RNF212B: variants seen among roughly 807,000 people sequenced by gnomAD.
The protein encoded by RNF212B is E3 ubiquitin-protein ligase RNF212B.
RNF212B carries 52 observed loss-of-function variants against 55.5 expected under a neutral mutation model. The observed-to-expected ratio is 0.94, with a 90% CI of 0.75 to 1.18. The LOEUF (loss-of-function observed/expected upper bound fraction) is 1.18. RNF212B is among the 50% of genes most tolerant of loss of function. RNF212B has a pLI of 0.00. For synonymous variants in RNF212B, 99 were observed against 121.4 expected (o/e 0.82, Z 1.21); for missense variants, 289 against 350.4 (o/e 0.82, Z 1.40).
chr14:23,238,516 C>T (rs891295029), intron 1 of RNF212B, among the ~76,000 whole-genome samples: 138 of 151,866 alleles, frequency 9.1e-4, no homozygotes, highest in Non-Finnish European at 3.4e-4. Context: ...TCGTTTGAGT[C>T]CAGGAGTTCC....
At position 23,213,261 on chromosome 14, in the gene RNF212B, C is replaced by T. The variant is rs574146224; in HGVS notation, c.-2+19860C>T. Among the ~76,000 whole-genome samples the T allele has an allele frequency of 2.7e-3, 407 of 151,356 alleles. 4 individuals carry two copies. Among genetic ancestry groups the T allele is most frequent in the Admixed American group, 3.1e-3 (47 of 15,132 alleles). ...CCGTGAGGCGGAGCTTGCAGTGAGC[C>T]GAGATCGCACCACTGCACTCCAGCC... On this transcript the variant is annotated intron_variant, in intron 2 of 15. Coordinates refer to the RNF212B transcript ENST00000399910.
chr14:23,203,065 T>G (rs542471573), intron 2 of RNF212B, among the ~76,000 whole-genome samples: 3 of 152,260 alleles, frequency 2.0e-5, no homozygotes, highest in African/African-American at 7.2e-5. Context: ...TGTGAGATTT[T>G]GGTGTACCCA....
chr14:23,211,203 G>A (rs899890656), intron 2 of RNF212B, among the ~76,000 whole-genome samples: 1 of 141,440 alleles, frequency 7.1e-6, no homozygotes, highest in Non-Finnish European at 1.5e-5. Flanking sequence ...GGGCAACAGA[G>A]TGAGACTCTG....
At position 23,258,562 on chromosome 14, in the gene RNF212B, A is replaced by G. The variant is rs1885032903; in HGVS notation, c.242A>G (p.Gln81Arg). ...FSHISQVWSF[Q>R]KKQTDLLIAF... ...TTTCCCTAGTAGGTGTGGAGTTTCC[A>G]GAAGAAACAAACAGATCTCCTCATC... Residue 81 changes from glutamine (Q) to arginine (R), a missense_variant, in exon 5 of 15, where the codon CAG becomes CGG. Transcript: ENST00000430154. 1 of 1,530,746 alleles carries G rather than the reference A, an allele frequency of 6.5e-7. No homozygotes were observed. The allele number at this position is 1,530,746 out of a possible 1,614,324, so 94.8% of individuals were successfully genotyped here.
intron 11 of RNF212B, 34 bp from the exon 12 acceptor site, chr14:23,268,890 G>T: frequency 6.5e-7 from 1 of 1,537,094 alleles, no homozygotes; most frequent in African/African-American, 1.4e-5. Flanking sequence ...CCAGTTCATG[G>T]ATTATCTCAC....
intron 4 of RNF212B, among the ~76,000 whole-genome samples, chr14:23,250,299 T>TA (rs979830888): frequency 1.3e-5 from 2 of 151,940 alleles, no homozygotes; most frequent in African/African-American, 4.8e-5. Context: ...GCCAATATGG[T>TA]AAAACCCTGT....
Position 23,268,292 on chromosome 14 carries a change from C to T in RNF212B, c.635-632C>T, listed in dbSNP as rs986385369. Among the ~76,000 whole-genome samples, 3 of 152,184 alleles carry T rather than the reference C, an allele frequency of 2.0e-5. No homozygotes were observed. The East Asian group carries it at 5.8e-4, about 29-fold the overall frequency. On this transcript the variant is annotated intron_variant, in intron 11 of 14. Coordinates refer to ENST00000430154, the MANE Select transcript of RNF212B (RefSeq NM_001282322.3). ...AACCCTGTTCCATCCCCTCTAGTGACTGCCAGACTGTTGGGTTTCATCATG... is the reference window on the plus strand; with the variant it reads ...AACCCTGTTCCATCCCCTCTAGTGATTGCCAGACTGTTGGGTTTCATCATG...
chr14:23,229,218 TTTTA>T (rs1446535964), intron 2 of RNF212B, among the ~76,000 whole-genome samples: 1 of 50,730 alleles, frequency 2.0e-5, no homozygotes, highest in African/African-American at 6.2e-5. Context: ...CTGAATAATA[TTTTA>T]TATATATATA....
At chr14:23,186,013 T>C (rs1877555240) in intron 1 of RNF212B, among the ~76,000 whole-genome samples, 1 of 152,014 alleles carries the variant, frequency 6.6e-6, no homozygotes, top group African/African-American at 2.4e-5. Flanking sequence ...GGTGGGAGGA[T>C]CGTGTGAGCC....
chr14:23,248,506 A>C (rs1289401853), intron 4 of RNF212B, among the ~76,000 whole-genome samples: 1 of 136,274 alleles, frequency 7.3e-6, no homozygotes, highest in South Asian at 2.4e-4. Context: ...CAGTGGCACG[A>C]TCTCGGCTCA....
chr14:23,234,327 G>GT (rs66588201), upstream of RNF212B, among the ~76,000 whole-genome samples: 7 of 151,252 alleles, frequency 4.6e-5, no homozygotes, highest in East Asian at 1.9e-4. Context: ...CATGCAAAAA[G>GT]TTTTTTTTAA....
chr14:23,226,350 G>A (rs1003305460), intron 2 of RNF212B, among the ~76,000 whole-genome samples: 2 of 150,816 alleles, frequency 1.3e-5, no homozygotes, highest in Non-Finnish European at 3.0e-5. Context: ...GGAACACGGG[G>A]CCGGGCGCGG....
chr14:23,200,084 T>TTC (rs560709055), intron 2 of RNF212B, among the ~76,000 whole-genome samples: 284 of 152,004 alleles, frequency 1.9e-3, no homozygotes, highest in African/African-American at 6.4e-3. Context: ...AAACATTTTT[T>TTC]TCTCTCTCTC....
At chr14:23,242,081 C>CAAAAAAAAAAAAAAAAAAAAAA in intron 2 of RNF212B, among the ~76,000 whole-genome samples, 1 of 36,650 alleles carries the variant, frequency 2.7e-5, no homozygotes, top group Admixed American at 4.3e-4. Context: ...GACTCCGTCT[C>CAAAAAAAAAAAAAAAAAAAAAA]AAAAAAAAAA....
At chr14:23,225,203 G>T (rs1881902852) in intron 2 of RNF212B, among the ~76,000 whole-genome samples, 1 of 152,140 alleles carries the variant, frequency 6.6e-6, no homozygotes, top group African/African-American at 2.4e-5. Context: ...GTACACTGTT[G>T]GTGGGAATGT....
chr14:23,240,446 G>T lies in RNF212B; in HGVS notation c.100+1G>T. 6.5e-7 allele frequency: 1 copy of T among 1,534,982 alleles called. No individual in the cohort carries two copies. Among genetic ancestry groups the T allele is most frequent in the Non-Finnish European group, 8.8e-7 (1 of 1,133,072 alleles). On this transcript the variant is annotated splice_donor_variant, in intron 2 of 14. Coordinates refer to ENST00000430154, the MANE Select transcript of RNF212B (RefSeq NM_001282322.3). LOFTEE classifies it high-confidence loss of function. The stretch of plus-strand genomic sequence containing the variant: ...TTCTGTAAAAAGTGTGTGACTCTGG[G>T]TGAGTGACTCAACTGTTTTCAGATT...
chr14:23,252,093 G>A (rs1884456431), intron 4 of RNF212B, among the ~76,000 whole-genome samples: 1 of 152,042 alleles, frequency 6.6e-6, no homozygotes, highest in Non-Finnish European at 1.5e-5. Context: ...TCAGGGGTTG[G>A]GGGGCGTGGG....
chr14:23,221,550 T>G (rs1229501476), intron 2 of RNF212B, among the ~76,000 whole-genome samples: 1 of 152,198 alleles, frequency 6.6e-6, no homozygotes, highest in Non-Finnish European at 1.5e-5. Flanking sequence ...TAGCTGGAGA[T>G]ATCAACACTC....
chr14:23,268,262 G>A (rs904811797), intron 11 of RNF212B, among the ~76,000 whole-genome samples: 1 of 152,106 alleles, frequency 6.6e-6, no homozygotes, highest in Non-Finnish European at 1.5e-5. Context: ...CCTTCAAAAA[G>A]CTCCAACCCT....
Sources: gnomAD v4.1 joint callset for allele counts (sites outside exome capture counted in the v4.1 genomes callset) on GRCh38, gnomAD v4.1.1 for gene constraint, MANE v1.5 for transcripts, NCBI Gene and HGNC (gene_info 2026-07-23, HGNC 2026-07-21) for gene names.